Variants in CDKAL1 observed in about 807,000 individuals in gnomAD.
CDKAL1 encodes the protein CDKAL1 threonylcarbamoyladenosine tRNA methylthiotransferase.
A neutral mutation model predicts 68.2 loss-of-function variants in CDKAL1; 32 were observed. The observed-to-expected ratio is 0.47, with a 90% CI of 0.35 to 0.63. The LOEUF (loss-of-function observed/expected upper bound fraction) is 0.63, where lower values mean the gene tolerates loss of function less well. CDKAL1 is among the 30% of genes least tolerant of loss of function. The pLI is 0.00. For missense variants in CDKAL1, 606 were observed against 696.7 expected, an observed-to-expected ratio of 0.87 and a Z score of 1.47; for synonymous variants, 234 against 244.3, an observed-to-expected ratio of 0.96 and a Z score of 0.39.
intron 12 of CDKAL1, among the ~76,000 whole-genome samples, chr6:21,094,526 C>T (rs1441852877): frequency 6.6e-6 from 1 of 152,024 alleles, no homozygotes; most frequent in East Asian, 1.9e-4. Flanking sequence ...AAGATAGAAT[C>T]TTATTTAGGT....
At chr6:21,009,133 G>A (rs550663261) in intron 11 of CDKAL1, among the ~76,000 whole-genome samples, 9 of 152,104 alleles carry the variant, frequency 5.9e-5, no homozygotes, top group African/African-American at 9.7e-5. Context: ...CCATTTTAGG[G>A]TTAAGAAATT....
intron 5 of CDKAL1, among the ~76,000 whole-genome samples, chr6:20,697,231 A>G (rs1771145775): frequency 6.6e-6 from 1 of 152,214 alleles, no homozygotes; most frequent in Non-Finnish European, 1.5e-5. Context: ...TGAGATGAGC[A>G]AACCATTAGT....
chr6:20,970,989 C>T (rs971991771), intron 10 of CDKAL1, among the ~76,000 whole-genome samples: 2 of 152,166 alleles, frequency 1.3e-5, no homozygotes, highest in African/African-American at 2.4e-5. Context: ...GCTGGGACTA[C>T]AGGCACGTGC....
intron 8 of CDKAL1, among the ~76,000 whole-genome samples, chr6:20,788,358 A>G (rs1452233619): frequency 6.6e-6 from 1 of 152,252 alleles, no homozygotes; most frequent in Non-Finnish European, 1.5e-5. Flanking sequence ...TCTAGGTATT[A>G]TAACTGCTAT....
intron 4 of CDKAL1, among the ~76,000 whole-genome samples, chr6:20,620,041 G>A (rs1415533226): frequency 3.3e-5 from 5 of 152,160 alleles, no homozygotes; most frequent in South Asian, 2.1e-4. Flanking sequence ...CTGTGCAAGC[G>A]AACTCACGTT....
intron 13 of CDKAL1, among the ~76,000 whole-genome samples, chr6:21,131,967 A>C (rs1215801764): frequency 6.6e-6 from 1 of 152,148 alleles, no homozygotes; most frequent in Non-Finnish European, 1.5e-5. Flanking sequence ...ATAGGAAAAA[A>C]ATTTAACCTA....
chr6:20,620,712 A>G lies in CDKAL1; in HGVS notation c.287-28581A>G, dbSNP rs188589712. On this transcript the variant is annotated intron_variant, in intron 4 of 15. Coordinates refer to ENST00000274695, the MANE Select transcript of CDKAL1 (RefSeq NM_017774.3). ...ACCGAATTTTTTTTTTTTCTGGAAGAAAACTTTTGGCTTCCTAATAGGTGC... is the reference window on the plus strand; with the variant it reads ...ACCGAATTTTTTTTTTTTCTGGAAGGAAACTTTTGGCTTCCTAATAGGTGC... Among the ~76,000 whole-genome samples the G allele has an allele frequency of 5.1e-4, 77 of 152,084 alleles. 1 individual carries two copies. The East Asian group carries it at 0.014, about 27-fold the overall frequency.
intron 13 of CDKAL1, among the ~76,000 whole-genome samples, chr6:21,172,962 A>G (rs1278266528): frequency 6.7e-6 from 1 of 149,436 alleles, no homozygotes; most frequent in East Asian, 1.9e-4. Context: ...TGTATGTAAT[A>G]TTCTCCTGGT....
chr6:20,844,654 A>C (rs1342201288), intron 8 of CDKAL1, among the ~76,000 whole-genome samples: 2 of 151,642 alleles, frequency 1.3e-5, no homozygotes, highest in African/African-American at 4.9e-5. Flanking sequence ...GTTTGAGACC[A>C]ACCTGGGCAA....
At chr6:20,583,738 T>A (rs115071253) in intron 4 of CDKAL1, among the ~76,000 whole-genome samples, 74 of 152,032 alleles carry the variant, frequency 4.9e-4, no homozygotes, top group African/African-American at 1.7e-3. Flanking sequence ...ATATAATAGA[T>A]GTATTGCATT....
intron 13 of CDKAL1, among the ~76,000 whole-genome samples, chr6:21,112,434 A>G (rs535553880): frequency 6.6e-6 from 1 of 152,342 alleles, no homozygotes; most frequent in East Asian, 1.9e-4. Context: ...CACCACTAAA[A>G]GTGAGTCTTT....
At chr6:21,150,021 CTAATTTTTTG>C (rs1356084143) in intron 13 of CDKAL1, among the ~76,000 whole-genome samples, 1 of 152,078 alleles carries the variant, frequency 6.6e-6, no homozygotes, top group African/African-American at 2.4e-5. Context: ...CCACACCCGG[CTAATTTTTTG>C]TATTTTTAGT....
At chr6:20,982,341 G>A (rs1205105897) in intron 10 of CDKAL1, among the ~76,000 whole-genome samples, 1 of 152,072 alleles carries the variant, frequency 6.6e-6, no homozygotes, top group African/African-American at 2.4e-5. Context: ...TTACAGACAT[G>A]AGCCACTGTG....
intron 8 of CDKAL1, among the ~76,000 whole-genome samples, chr6:20,809,773 G>C (rs1415819733): frequency 6.6e-6 from 1 of 152,182 alleles, no homozygotes; most frequent in Non-Finnish European, 1.5e-5. Flanking sequence ...AGTGTATCAA[G>C]TGACAGAAAA....
intron 6 of CDKAL1, among the ~76,000 whole-genome samples, chr6:20,740,207 T>G (rs945782011): frequency 6.6e-6 from 1 of 152,214 alleles, no homozygotes; most frequent in Non-Finnish European, 1.5e-5. Flanking sequence ...TTTTTAAAAC[T>G]CTCACCATGT....
intron 5 of CDKAL1, among the ~76,000 whole-genome samples, chr6:20,665,803 T>C (rs1581922798): frequency 6.6e-6 from 1 of 152,026 alleles, no homozygotes; most frequent in Non-Finnish European, 1.5e-5. Flanking sequence ...TCTAAGGAGA[T>C]ATTATAAATA....
chr6:20,928,425 G>A (rs2150667788), intron 9 of CDKAL1, among the ~76,000 whole-genome samples: 1 of 152,236 alleles, frequency 6.6e-6, no homozygotes. Flanking sequence ...GTGCTCTCAA[G>A]GATCTGTGAA....
intron 9 of CDKAL1, among the ~76,000 whole-genome samples, chr6:20,931,772 A>G (rs1763472335): frequency 6.6e-6 from 1 of 152,222 alleles, no homozygotes; most frequent in Non-Finnish European, 1.5e-5. Context: ...TGCTGTTTGT[A>G]CCTAAATGAA....
intron 15 of CDKAL1, among the ~76,000 whole-genome samples, chr6:21,230,449 A>C (rs1411507884): frequency 6.6e-6 from 1 of 152,254 alleles, no homozygotes; most frequent in Non-Finnish European, 1.5e-5. Context: ...GGCGTGAGCC[A>C]CCACACCTGG....
Sources: gnomAD v4.1 joint callset for allele counts (sites outside exome capture counted in the v4.1 genomes callset) on GRCh38, gnomAD v4.1.1 for gene constraint, MANE v1.5 for transcripts, NCBI Gene and HGNC (gene_info 2026-07-23, HGNC 2026-07-21) for gene names.